TENM3: variants seen among roughly 807,000 people sequenced by gnomAD.
The protein encoded by TENM3 is teneurin-3.
A neutral mutation model predicts 255.1 loss-of-function variants in TENM3; 63 were observed. That is an observed-to-expected ratio of 0.25 (90% confidence interval 0.20 to 0.30). The LOEUF (loss-of-function observed/expected upper bound fraction) is 0.30. TENM3 is among the 10% of genes least tolerant of loss of function. The pLI is 1.00. For synonymous variants in TENM3, 1,306 were observed against 1,322.3 expected, an observed-to-expected ratio of 0.99 and a Z score of 0.27; for missense variants, 2,929 against 3,461.1, an observed-to-expected ratio of 0.85 and a Z score of 3.86.
the TENM3 span, among the ~76,000 whole-genome samples, chr4:181,868,328 C>T: frequency 2.6e-5 from 4 of 152,002 alleles, no homozygotes; most frequent in African/African-American, 9.7e-5. Context: ...AATTTATTTC[C>T]CCGCTTTTAA....
the TENM3 span, among the ~76,000 whole-genome samples, chr4:182,082,238 T>G: frequency 6.6e-6 from 1 of 152,160 alleles, no homozygotes; most frequent in South Asian, 2.1e-4. Context: ...GGTGGCACCT[T>G]CTCTCCATGT....
intron 2 of TENM3, among the ~76,000 whole-genome samples, chr4:182,326,948 T>C (rs1763451705): frequency 6.6e-6 from 1 of 152,162 alleles, no homozygotes; most frequent in South Asian, 2.1e-4. Context: ...TGTAATTGGG[T>C]GAATGAGGAC....
At chr4:182,654,218 G>T (rs763496660) in intron 6 of TENM3, among the ~76,000 whole-genome samples, 2 of 152,034 alleles carry the variant, frequency 1.3e-5, no homozygotes, top group Non-Finnish European at 2.9e-5. Context: ...ATTACCTTGG[G>T]TTTATTAGGT....
At chr4:182,189,109 T>A (rs1753347750) in intron 1 of TENM3, among the ~76,000 whole-genome samples, 1 of 152,172 alleles carries the variant, frequency 6.6e-6, no homozygotes, top group South Asian at 2.1e-4. Flanking sequence ...AATTTTTAAA[T>A]GTATTTTTTG....
chr4:181,524,913 G>C, the TENM3 span, among the ~76,000 whole-genome samples: 12 of 152,174 alleles, frequency 7.9e-5, no homozygotes, highest in Admixed American at 3.3e-4. Context: ...AGTTTTCATT[G>C]TGGTTTGCCA....
At chr4:182,485,995 G>C (rs1734665852) in intron 3 of TENM3, among the ~76,000 whole-genome samples, 2 of 152,130 alleles carry the variant, frequency 1.3e-5, no homozygotes, top group Non-Finnish European at 1.5e-5. Context: ...GCAATGAAGA[G>C]AAGGAAAGCT....
intron 3 of TENM3, among the ~76,000 whole-genome samples, chr4:182,590,538 CAAAAAAAAA>C (rs34681777): frequency 1.3e-5 from 1 of 79,962 alleles, no homozygotes; most frequent in African/African-American, 5.1e-5. Context: ...GACCCTGTCT[CAAAAAAAAA>C]AAAAAAAAAA....
At chr4:182,489,195 A>G (rs1735037556) in intron 3 of TENM3, among the ~76,000 whole-genome samples, 1 of 152,146 alleles carries the variant, frequency 6.6e-6, no homozygotes, top group Non-Finnish European at 1.5e-5. Context: ...CCAGAATTTT[A>G]TTTTGAACGC....
At chr4:181,675,631 T>C in the TENM3 span, among the ~76,000 whole-genome samples, 1 of 152,110 alleles carries the variant, frequency 6.6e-6, no homozygotes, top group African/African-American at 2.4e-5. Context: ...ACACTCTAGG[T>C]CCTCGAAAGG....
chr4:181,795,209 TA>T, the TENM3 span, among the ~76,000 whole-genome samples: 1 of 152,100 alleles, frequency 6.6e-6, no homozygotes, highest in African/African-American at 2.4e-5. Context: ...CTGAGTGGTT[TA>T]AATAACAGAA....
the TENM3 span, among the ~76,000 whole-genome samples, chr4:181,544,105 G>A: frequency 3.3e-5 from 5 of 151,834 alleles, no homozygotes; most frequent in South Asian, 2.1e-4. Context: ...ATTGCCTTTC[G>A]TTCTAATTCC....
chr4:182,567,513 C>G (rs181224025), intron 3 of TENM3, among the ~76,000 whole-genome samples: 1 of 152,258 alleles, frequency 6.6e-6, no homozygotes, highest in East Asian at 1.9e-4. Flanking sequence ...TTCTACATGA[C>G]CTGGCTCCTG....
At chr4:182,512,420 G>A (rs971942563) in intron 3 of TENM3, among the ~76,000 whole-genome samples, 1 of 152,184 alleles carries the variant, frequency 6.6e-6, no homozygotes, top group African/African-American at 2.4e-5. Flanking sequence ...AGGTTAGAAT[G>A]AGAAAGAAAA....
chr4:181,744,330 G>GTA, the TENM3 span, among the ~76,000 whole-genome samples: 10 of 152,056 alleles, frequency 6.6e-5, no homozygotes, highest in South Asian at 2.1e-4. Flanking sequence ...ATTCCTTTGG[G>GTA]TATATATATA....
the TENM3 span, among the ~76,000 whole-genome samples, chr4:182,123,372 C>T: frequency 6.6e-5 from 10 of 152,256 alleles, no homozygotes; most frequent in South Asian, 4.1e-4. Flanking sequence ...GCTTTGTACC[C>T]GCCTTCCTCA....
chr4:182,435,091 A>G (rs1405918487), intron 3 of TENM3, among the ~76,000 whole-genome samples: 1 of 152,230 alleles, frequency 6.6e-6, no homozygotes, highest in Non-Finnish European at 1.5e-5. Flanking sequence ...CACATCGAGA[A>G]TGCTAGATGC....
the TENM3 span, among the ~76,000 whole-genome samples, chr4:181,533,534 G>A: frequency 3.3e-5 from 5 of 151,888 alleles, no homozygotes; most frequent in African/African-American, 4.8e-5. Context: ...CCCTTAGAAG[G>A]GAAAAAGAAG....
At chr4:182,530,493 C>T (rs1490688118) in intron 3 of TENM3, among the ~76,000 whole-genome samples, 1 of 152,148 alleles carries the variant, frequency 6.6e-6, no homozygotes, top group East Asian at 1.9e-4. Flanking sequence ...TGCTTGGTCT[C>T]GAGTAGAGTT....
chr4:182,132,787 A>G, the TENM3 span, among the ~76,000 whole-genome samples: 2 of 152,204 alleles, frequency 1.3e-5, no homozygotes, highest in African/African-American at 4.8e-5. Context: ...TGATCAGAGC[A>G]GGTTCTATTC....
Sources: allele counts gnomAD v4.1 joint callset (sites outside exome capture counted in the v4.1 genomes callset), GRCh38; gene constraint gnomAD v4.1.1; transcripts MANE v1.5; gene names NCBI Gene and HGNC (gene_info 2026-07-23, HGNC 2026-07-21).